The following BNC1 variants were observed in gnomAD, a reference collection of about 807,000 sequenced individuals.
BNC1 encodes zinc finger protein basonuclin-1.
BNC1 carries 8 observed loss-of-function variants against 66.5 expected under a neutral mutation model. The ratio of observed to expected loss-of-function variants is 0.12; its 90% CI spans 0.07 to 0.22. The LOEUF (loss-of-function observed/expected upper bound fraction) is 0.22. BNC1 is among the 10% of genes least tolerant of loss of function. The pLI is 1.00. For synonymous variants in BNC1, 454 were observed against 452.6 expected (o/e 1.00, Z -0.04); for missense variants, 1,069 against 1,241.3 (o/e 0.86, Z 2.09).
At chr15:83,275,637 G>C (rs532852535) in intron 1 of BNC1, among the ~76,000 whole-genome samples, 2 of 152,158 alleles carry the variant, frequency 1.3e-5, no homozygotes, top group Non-Finnish European at 2.9e-5. Flanking sequence ...GAGTCCCAAG[G>C]CATGCCAAGG....
intron 4 of BNC1, among the ~76,000 whole-genome samples, chr15:83,259,006 G>A (rs2038114500): frequency 6.6e-6 from 1 of 152,166 alleles, no homozygotes; most frequent in Non-Finnish European, 1.5e-5. Flanking sequence ...GGCTAGAATT[G>A]TGTGTGTATG....
intron 4 of BNC1, among the ~76,000 whole-genome samples, chr15:83,259,148 A>G (rs552671571): frequency 2.0e-5 from 3 of 152,380 alleles, no homozygotes; most frequent in African/African-American, 7.2e-5. Flanking sequence ...AGTATCCATT[A>G]TGACACATGC....
rs374428598 is a variant in BNC1, at chr15:83,257,601, G to A, written c.2826C>T (p.Thr942=). 3 of 1,614,078 alleles carry A rather than the reference G, an allele frequency of 1.9e-6. No homozygotes were observed. The highest frequency in any genetic ancestry group is 2.5e-6 in the Non-Finnish European group (3 of 1,180,012). The stretch of plus-strand genomic sequence containing the variant: ...GCACAGTTTTGTAGTGGGCCCTAAA[G>A]GTCCCTTTGTTACTGTATGTCTTTT... ...LCQKTYSNKG[T]FRAHYKTVHL... is the part of the protein sequence containing the mutation. Residue 942 remains threonine, a synonymous_variant, in exon 5 of 5, where the codon ACC becomes ACT. Coordinates refer to ENST00000345382, the MANE Select transcript of BNC1 (RefSeq NM_001717.4).
At chr15:83,264,837 G>C (rs563186420) in intron 3 of BNC1, 22 bp from the exon 4 acceptor site, 4 of 1,601,604 alleles carry the variant, frequency 2.5e-6, no homozygotes, top group Admixed American at 3.4e-5. Flanking sequence ...CCAGATGTTA[G>C]AAGTGTGATC....
At position 83,256,912 on chromosome 15, in the gene BNC1, G is replaced by A. The variant is rs1014571169; in HGVS notation, c.*530C>T. ...TGAGACCTCTGGTGCAGGGCTGAGG[G>A]GAGGGACAATTATCCACTCCAAACA... On this transcript the variant is annotated 3_prime_UTR_variant, in exon 5 of 5. Transcript: ENST00000345382. 6.4e-6 allele frequency: 1 copy of A among 155,510 alleles called. No homozygotes were observed. The highest frequency in any genetic ancestry group is 2.4e-5 in the African/African-American group (1 of 41,442). The allele number at this position is 155,510 out of a possible 1,614,324, so 9.6% of individuals were successfully genotyped here.
intron 1 of BNC1, chr15:83,283,241 CTGAT>C (rs554153133): frequency 7.9e-5 from 121 of 1,535,536 alleles, no homozygotes; most frequent in South Asian, 3.0e-4. Context: ...GAGCTACGCG[CTGAT>C]TAATATCAGA....
At position 83,263,594 on chromosome 15, in the gene BNC1, T is replaced by C. The variant is rs1306477902; in HGVS notation, c.1657A>G (p.Ile553Val). Reference protein sequence around the residue: ...PIKIEKEAVEIANEKRHNLSS... With the variant: ...PIKIEKEAVEVANEKRHNLSS... ...AGGTTGTGTCTTTTCTCATTAGCTA[T>C]TTCCACAGCTTCTTTCTCTATTTTG... Residue 553 changes from isoleucine (I) to valine (V), a missense_variant, in exon 4 of 5, where the codon ATA becomes GTA. Ile to Val is a conservative substitution (Grantham distance 29). Transcript: ENST00000345382. 3 of 1,614,136 alleles carry C rather than the reference T, an allele frequency of 1.9e-6. No individual in the cohort carries two copies. The Admixed American group carries it at 5.0e-5, about 27-fold the overall frequency.
At chr15:83,280,631 G>A (rs2038368516) in intron 1 of BNC1, among the ~76,000 whole-genome samples, 1 of 152,170 alleles carries the variant, frequency 6.6e-6, no homozygotes, top group Non-Finnish European at 1.5e-5. Context: ...ATCATGAAAT[G>A]CTAAGAGTTG....
At chr15:83,268,300 A>C (rs997104844) in intron 1 of BNC1, 68 bp from the exon 2 acceptor site, 1 of 1,368,222 alleles carries the variant, frequency 7.3e-7, no homozygotes, top group Admixed American at 1.7e-5. Flanking sequence ...TTGTATTTCA[A>C]ACAAAACATA....
At chr15:83,261,200 G>A (rs568809954) in intron 4 of BNC1, among the ~76,000 whole-genome samples, 1 of 152,254 alleles carries the variant, frequency 6.6e-6, no homozygotes, top group East Asian at 1.9e-4. Flanking sequence ...CCTCCTCTTG[G>A]AGGCTGAAGA....
intron 1 of BNC1, among the ~76,000 whole-genome samples, chr15:83,269,268 A>G (rs1252431878): frequency 1.3e-5 from 2 of 152,194 alleles, no homozygotes; most frequent in East Asian, 1.9e-4. Flanking sequence ...AGCTTCACGT[A>G]TATTTTTAAG....
rs2038117141 is a variant in BNC1 at position 83,259,285 on chromosome 15, G to A, written c.2301-1159C>T. 1.3e-5 allele frequency among the ~76,000 whole-genome samples: 2 copies of A among 152,232 alleles called. 1 individual carries two copies. Among genetic ancestry groups the A allele is most frequent in the Middle Eastern group, 6.8e-3 (2 of 292 alleles). On this transcript the variant is annotated intron_variant, in intron 4 of 4. Coordinates refer to ENST00000345382, the MANE Select transcript of BNC1 (RefSeq NM_001717.4). ...GGGGTTACAATCTTAAAGGTGATAG[G>A]AGAATTATTCCAAATAGAGAAAACA...
intron 1 of BNC1, among the ~76,000 whole-genome samples, chr15:83,271,785 T>C (rs2038271779): frequency 6.6e-6 from 1 of 152,238 alleles, no homozygotes; most frequent in Non-Finnish European, 1.5e-5. Context: ...TGACAGAAAC[T>C]ATTTTACTTT....
rs766888833 is a variant in BNC1 at position 83,268,240 on chromosome 15, AGAG to A, written c.100-11_100-9del. 12 of 1,610,154 alleles carry A rather than the reference AGAG, an allele frequency of 7.5e-6. No homozygotes were observed. In the South Asian group the frequency reaches 1.3e-4, roughly 18 times the overall value. On this transcript the variant is annotated splice_polypyrimidine_tract_variant and intron_variant, in intron 1 of 4. Transcript: ENST00000345382. Reference sequence around the variant, plus strand: ...CAGAGTACAGCTGATAGCCTGAAAAAGAGGAGAAAACAGGTATGTGGAGCATGT... The same window carrying A: ...CAGAGTACAGCTGATAGCCTGAAAAAGAGAAAACAGGTATGTGGAGCATGT...
chr15:83,275,275 AACCTGAAGTCAGGGG>A (rs1229865799), intron 1 of BNC1, among the ~76,000 whole-genome samples: 1 of 152,202 alleles, frequency 6.6e-6, no homozygotes, highest in Non-Finnish European at 1.5e-5. Context: ...CGAGGCAGGG[AACCTGAAGTCAGGGG>A]TTCAGGACCA....
Position 83,263,121 on chromosome 15 carries a change from T to G in BNC1, c.2130A>C (p.Ala710=). The change falls in exon 4 of 5, where the codon GCA becomes GCC. Residue 710 remains alanine (A), a synonymous_variant. Transcript: ENST00000345382. ...GATTTTCTTCTATCTGCCTTGCTAA[T>G]GCATGCTGACCCACGTGCTCCAGTT... The part of the protein sequence containing the change: ...SKELEHVGQH[A]LARQIEENRF... 6.2e-7 allele frequency: 1 copy of G among 1,614,248 alleles called. No homozygotes were observed. The highest frequency in any genetic ancestry group is 8.5e-7 in the Non-Finnish European group (1 of 1,180,054).
chr15:83,279,395 C>G (rs1179201642), intron 1 of BNC1, among the ~76,000 whole-genome samples: 1 of 152,054 alleles, frequency 6.6e-6, no homozygotes, highest in Non-Finnish European at 1.5e-5. Context: ...TCCTACTCTC[C>G]CCCAAATTAA....
At chr15:83,267,311 T>G (rs2038227557) in intron 2 of BNC1, among the ~76,000 whole-genome samples, 1 of 151,994 alleles carries the variant, frequency 6.6e-6, no homozygotes, top group African/African-American at 2.4e-5. Flanking sequence ...AGGAAAGAAA[T>G]AGTCACAAAC....
rs750429207 is a variant in BNC1, at chr15:83,272,394, C to CTTTTTT, written c.100-4168_100-4163dup. 1.5e-3 allele frequency among the ~76,000 whole-genome samples: 179 copies of CTTTTTT among 122,686 alleles called. 3 individuals are homozygous for CTTTTTT. Among genetic ancestry groups the CTTTTTT allele is most frequent in the Middle Eastern group, 4.2e-3 (1 of 236 alleles). The allele number at this position is 122,686 out of a possible 152,430, so 80.5% of individuals were successfully genotyped here. ...TACAGGCATGCACCACCACACCTGG[C>CTTTTTT]TTTTTTTTTTTTTTTGTATTTTTAG... is the stretch of plus-strand genomic sequence containing the variant. On this transcript the variant is annotated intron_variant, in intron 1 of 4. Coordinates refer to ENST00000345382, the MANE Select transcript of BNC1 (RefSeq NM_001717.4).
Sources: gnomAD v4.1 joint callset for allele counts (sites outside exome capture counted in the v4.1 genomes callset) on GRCh38, gnomAD v4.1.1 for gene constraint, MANE v1.5 for transcripts, NCBI Gene and HGNC (gene_info 2026-07-23, HGNC 2026-07-21) for gene names.